Variants in LRP1B observed in about 807,000 individuals in gnomAD.
LRP1B encodes the protein LDL receptor related protein 1B, also known as low-density lipoprotein receptor-related protein 1B.
A neutral mutation model predicts 556.6 loss-of-function variants in LRP1B; 217 were observed. The observed-to-expected ratio is 0.39, with a 90% CI of 0.35 to 0.44. The LOEUF is 0.44. LRP1B is among the 20% of genes least tolerant of loss of function. The pLI is 1.00. For missense variants in LRP1B, 5,053 were observed against 5,620.8 expected (o/e 0.90, Z 3.23); for synonymous variants, 2,047 against 1,865.8 (o/e 1.10, Z -2.50).
At position 140,541,160 on chromosome 2, in the gene LRP1B, A is replaced by C. The variant is rs1680120640; in HGVS notation, c.7388-62T>G. 3 of 1,367,368 alleles carry C rather than the reference A, an allele frequency of 2.2e-6. No homozygotes were observed. In the East Asian group the frequency reaches 7.0e-5, roughly 32 times the overall value. 84.7% of individuals were successfully genotyped at this position (1,367,368 alleles called of 1,614,324 possible). A position where few individuals can be genotyped will look rare whatever the true frequency, so the allele number is the denominator to read the frequency against. ...CGAATTCCTGTTCTATGTTAGATAA[A>C]TATTAATCGTAAACTATTAGACTGC... On this transcript the variant is annotated intron_variant, in intron 44 of 90. Coordinates refer to ENST00000389484, the MANE Select transcript of LRP1B (RefSeq NM_018557.3).
intron 1 of LRP1B, among the ~76,000 whole-genome samples, chr2:142,054,538 A>T (rs1386807327): frequency 6.6e-6 from 1 of 152,014 alleles, no homozygotes; most frequent in African/African-American, 2.4e-5. Flanking sequence ...CTCATTAGTT[A>T]CTTTTTCTCA....
chr2:140,307,462 A>G (rs550495651), intron 83 of LRP1B, among the ~76,000 whole-genome samples: 1 of 151,782 alleles, frequency 6.6e-6, no homozygotes, highest in African/African-American at 2.4e-5. Flanking sequence ...TTCATATAAA[A>G]TCCTATTGCT....
At chr2:140,411,743 A>G (rs1314045982) in intron 66 of LRP1B, among the ~76,000 whole-genome samples, 1 of 150,864 alleles carries the variant, frequency 6.6e-6, no homozygotes, top group Admixed American at 6.6e-5. Context: ...CAAAATAATA[A>G]TATCAATACC....
chr2:140,509,849 T>A, intron 52 of LRP1B, 79 bp downstream of exon 52: 2 of 1,545,188 alleles, frequency 1.3e-6, no homozygotes, highest in Non-Finnish European at 1.7e-6. Context: ...AAATGTGCTA[T>A]GGCAAATACT....
chr2:140,671,593 G>A (rs1439657583), intron 41 of LRP1B, among the ~76,000 whole-genome samples: 5 of 152,060 alleles, frequency 3.3e-5, no homozygotes, highest in Middle Eastern at 3.2e-3. Context: ...ACATTCCTTG[G>A]CCTCTTTCTC....
At chr2:142,001,236 T>C (rs1478860549) in intron 1 of LRP1B, among the ~76,000 whole-genome samples, 1 of 152,158 alleles carries the variant, frequency 6.6e-6, no homozygotes, top group Admixed American at 6.6e-5. Flanking sequence ...ACTAATACAG[T>C]TCCAAAAGCC....
intron 79 of LRP1B, among the ~76,000 whole-genome samples, chr2:140,328,473 AAAGAAAAAAAAAAAGAAAATG>A (rs1292331508): frequency 1.6e-5 from 2 of 128,346 alleles, no homozygotes; most frequent in Non-Finnish European, 3.7e-5. Flanking sequence ...GAAGAAAATG[AAAGAAAAAAAAAAAGAAAATG>A]AAGAAAACAA....
At chr2:141,013,518 T>G in intron 14 of LRP1B, 38 bp downstream of exon 14, 2 of 1,480,220 alleles carry the variant, frequency 1.4e-6, no homozygotes, top group Non-Finnish European at 1.8e-6. Flanking sequence ...TATTATTATA[T>G]GTGAATCTCA....
chr2:142,063,372 C>T (rs1310065632), intron 1 of LRP1B, among the ~76,000 whole-genome samples: 3 of 151,396 alleles, frequency 2.0e-5, no homozygotes, highest in Admixed American at 6.6e-5. Flanking sequence ...GCTTTTGCAT[C>T]GAAGATACTC....
rs558624409 is a variant in LRP1B, at chr2:140,670,131, G to GT, written c.6799+30118dup. On this transcript the variant is annotated intron_variant, in intron 41 of 90. Coordinates refer to ENST00000389484, the MANE Select transcript of LRP1B (RefSeq NM_018557.3). ...ACGTGACACTGGTAGATGTTTAAAT[G>GT]TAAGAATGCATAACATAGAAACAAG... is the stretch of plus-strand genomic sequence containing the variant. Among the ~76,000 whole-genome samples, 176 of 152,252 alleles carry GT rather than the reference G, an allele frequency of 1.2e-3. 3 individuals carry two copies. In the South Asian group the frequency reaches 0.035, roughly 31 times the overall value.
At chr2:141,451,184 G>T (rs1477704255) in intron 3 of LRP1B, among the ~76,000 whole-genome samples, 2 of 152,176 alleles carry the variant, frequency 1.3e-5, no homozygotes, top group Non-Finnish European at 2.9e-5. Context: ...GTGTTTGCTT[G>T]CAGCCAAGAC....
intron 2 of LRP1B, among the ~76,000 whole-genome samples, chr2:141,785,545 G>A (rs1426768834): frequency 1.3e-5 from 2 of 151,554 alleles, no homozygotes; most frequent in Non-Finnish European, 2.9e-5. Flanking sequence ...GATGTGAAAG[G>A]ACTAAACAAG....
At chr2:141,029,472 G>C (rs773093605) in intron 11 of LRP1B, among the ~76,000 whole-genome samples, 1 of 152,124 alleles carries the variant, frequency 6.6e-6, no homozygotes, top group South Asian at 2.1e-4. Flanking sequence ...CACATAGGCA[G>C]CTAAGTAAGT....
chr2:141,259,342 ATATT>A (rs1423162534), intron 3 of LRP1B, among the ~76,000 whole-genome samples: 2 of 152,302 alleles, frequency 1.3e-5, no homozygotes, highest in Non-Finnish European at 2.9e-5. Flanking sequence ...GTGGCAGAGA[ATATT>A]TAAGTGTGCA....
chr2:141,023,496 T>C (rs1017919109), intron 11 of LRP1B, among the ~76,000 whole-genome samples: 14 of 151,994 alleles, frequency 9.2e-5, no homozygotes, highest in Non-Finnish European at 1.5e-4. Context: ...TACTTTAGAC[T>C]AGACCAAATA....
At chr2:141,549,471 T>C (rs1574069798) in intron 2 of LRP1B, among the ~76,000 whole-genome samples, 1 of 152,168 alleles carries the variant, frequency 6.6e-6, no homozygotes, top group East Asian at 1.9e-4. Context: ...AAATAATGTT[T>C]GTTCAGCCCC....
Position 140,487,752 on chromosome 2 carries a change from A to T in LRP1B, c.9121-13T>A. ...CATTGTTTAATCCCTGAAAATAAAAAAGACTATGTTGTCAATGATAGTTCA... is the reference window on the plus strand; with the variant it reads ...CATTGTTTAATCCCTGAAAATAAAATAGACTATGTTGTCAATGATAGTTCA... On this transcript the variant is annotated splice_polypyrimidine_tract_variant and intron_variant, in intron 57 of 90. Transcript: ENST00000389484. 1.3e-6 allele frequency: 2 copies of T among 1,488,680 alleles called. No individual in the cohort carries two copies. The highest frequency in any genetic ancestry group is 1.2e-5 in the South Asian group (1 of 82,612). 92.2% of individuals were successfully genotyped at this position (1,488,680 alleles called of 1,614,324 possible).
intron 2 of LRP1B, among the ~76,000 whole-genome samples, chr2:141,514,168 T>C (rs1684226759): frequency 6.6e-6 from 1 of 152,132 alleles, no homozygotes; most frequent in Non-Finnish European, 1.5e-5. Flanking sequence ...CCTCATGGAC[T>C]ACACTGATCA....
chr2:140,471,558 A>T lies in LRP1B; in HGVS notation c.9625+3580T>A, dbSNP rs147252425. The stretch of plus-strand genomic sequence containing the variant: ...ACTACCAGTATTTCTAAGCTTACAT[A>T]TATCTCCAATTTGATCTACTACATA... On this transcript the variant is annotated intron_variant, in intron 60 of 90. Coordinates refer to ENST00000389484, the MANE Select transcript of LRP1B (RefSeq NM_018557.3). Among the ~76,000 whole-genome samples the T allele has an allele frequency of 3.5e-3, 527 of 152,304 alleles. 8 individuals carry two copies. Among genetic ancestry groups the T allele is most frequent in the African/African-American group, 0.012 (489 of 41,552 alleles).
Sources: gnomAD v4.1 joint callset for allele counts (sites outside exome capture counted in the v4.1 genomes callset) on GRCh38, gnomAD v4.1.1 for gene constraint, MANE v1.5 for transcripts, NCBI Gene and HGNC (gene_info 2026-07-23, HGNC 2026-07-21) for gene names.